The following GFI1B variants were observed in gnomAD, a reference collection of about 807,000 sequenced individuals.
GFI1B encodes the protein zinc finger protein Gfi-1b.
A neutral mutation model predicts 35.3 loss-of-function variants in GFI1B; 20 were observed. The ratio of observed to expected loss-of-function variants is 0.57; its 90% confidence interval spans 0.40 to 0.82. The LOEUF (loss-of-function observed/expected upper bound fraction) is 0.82, where lower values mean the gene tolerates loss of function less well. Ranked by LOEUF, GFI1B falls within the 40% of genes least tolerant of loss-of-function variation. GFI1B has a pLI of 0.00. For missense variants in GFI1B, 430 were observed against 446.3 expected, an observed-to-expected ratio of 0.96 and a Z score of 0.33; for synonymous variants, 178 against 177.6, an observed-to-expected ratio of 1.00 and a Z score of -0.02.
At chr9:132,962,565 C>CA (rs35864638) in intron 1 of GFI1B, 1 of 515,028 alleles carries the variant, frequency 1.9e-6, no homozygotes, top group Non-Finnish European at 4.0e-6. Context: ...GAAACAAAAG[C>CA]AAAAATCATC....
At chr9:132,983,243 A>G (rs901703534) in intron 1 of GFI1B, among the ~76,000 whole-genome samples, 23 of 135,732 alleles carry the variant, frequency 1.7e-4, no homozygotes. Context: ...ACCCAGGCTG[A>G]AGTGCAGTGG....
chr9:132,966,196 A>G lies in GFI1B; in HGVS notation c.-700-6529A>G, dbSNP rs570810659. 1.4e-3 allele frequency among the ~76,000 whole-genome samples: 216 copies of G among 152,192 alleles called. 1 individual carries two copies. The highest frequency in any genetic ancestry group is 2.4e-3 in the Non-Finnish European group (162 of 68,000). On this transcript the variant is annotated intron_variant, in intron 1 of 10. Transcript: ENST00000339463. ...AAACATAGTGAGACCCCATCTCTAC[A>G]AGAAATAAAAAAATTGGTCAGGTGT...
intron 1 of GFI1B, among the ~76,000 whole-genome samples, chr9:132,948,540 G>A (rs551880941): frequency 6.6e-6 from 1 of 152,336 alleles, no homozygotes; most frequent in South Asian, 2.1e-4. Flanking sequence ...TTCCCACTCT[G>A]TGCCCGAAGT....
chr9:132,978,369 CT>C (rs1340274326), upstream of GFI1B: 6 of 152,196 alleles, frequency 3.9e-5, no homozygotes, highest in Non-Finnish European at 8.8e-5. Flanking sequence ...AGAGCAATGA[CT>C]TCCCTATGCA....
At chr9:132,961,325 G>A (rs560020872) in intron 1 of GFI1B, among the ~76,000 whole-genome samples, 129 of 151,852 alleles carry the variant, frequency 8.5e-4, no homozygotes, top group African/African-American at 3.0e-3. Context: ...AATGATAGAC[G>A]GAGAGAAAAC....
In GFI1B at chr9:132,989,761, G is replaced by A. The variant is rs367947845; in HGVS notation, c.668G>A (p.Arg223His). 1.5e-5 allele frequency: 24 copies of A among 1,613,884 alleles called. No individual in the cohort carries two copies. In the East Asian group the frequency reaches 1.6e-4, roughly 10 times the overall value. The part of the protein sequence containing the change: ...VHSQERSFEC[R>H]MCGKAFKRSS... Reference sequence around the variant, plus strand: ...CGGCAGGAGCGCAGCTTCGAGTGCCGCATGTGCGGCAAGGCCTTCAAGCGC... The same window carrying A: ...CGGCAGGAGCGCAGCTTCGAGTGCCACATGTGCGGCAAGGCCTTCAAGCGC... The change falls in exon 6 of 7, where the codon CGC becomes CAC. Residue 223 changes from arginine to histidine, a missense_variant. Arg to His is a conservative substitution (Grantham distance 29). Coordinates refer to ENST00000372122, the MANE Select transcript of GFI1B (RefSeq NM_001377304.1). This position sits in a 1 kb window ranked among gnomAD's most constrained non-coding sequence, Gnocchi z 6.2.
At chr9:132,972,958 C>T (rs1848555753) in intron 2 of GFI1B, among the ~76,000 whole-genome samples, 2 of 152,214 alleles carry the variant, frequency 1.3e-5, no homozygotes, top group African/African-American at 4.8e-5. Context: ...ACCAGGTGGA[C>T]GTTTCCTACT....
intron 1 of GFI1B, among the ~76,000 whole-genome samples, chr9:132,979,945 A>G (rs1290367954): frequency 6.6e-6 from 1 of 152,118 alleles, no homozygotes; most frequent in African/African-American, 2.4e-5. Flanking sequence ...GCTGCACCTG[A>G]CCGCCTGGAC....
chr9:132,962,462 C>A, intron 1 of GFI1B: 1 of 434,054 alleles, frequency 2.3e-6, no homozygotes. Flanking sequence ...TCTTCTCTCT[C>A]TCTTCCCTTC....
chr9:132,986,255 G>A (rs1849056050), intron 1 of GFI1B, among the ~76,000 whole-genome samples: 1 of 148,792 alleles, frequency 6.7e-6, no homozygotes, highest in Admixed American at 6.6e-5. Context: ...GGCACTGCCT[G>A]GCATTCTCTG....
chr9:132,991,927 C>T (rs974200266), downstream of GFI1B, among the ~76,000 whole-genome samples: 1 of 152,070 alleles, frequency 6.6e-6, no homozygotes, highest in African/African-American at 2.4e-5. Flanking sequence ...GCAGCTGGGG[C>T]GGTATCCGTT....
chr9:132,973,118 G>A (rs572647908), intron 2 of GFI1B, among the ~76,000 whole-genome samples: 5 of 152,336 alleles, frequency 3.3e-5, no homozygotes, highest in Admixed American at 1.3e-4. Context: ...AGGGACCACC[G>A]GGTCCATTGT....
At chr9:132,981,669 T>C (rs971291601) in intron 1 of GFI1B, among the ~76,000 whole-genome samples, 2 of 152,058 alleles carry the variant, frequency 1.3e-5, no homozygotes, top group Admixed American at 1.3e-4. Flanking sequence ...GTGATGATGA[T>C]GATGATTACT....
intron 6 of GFI1B, 117 bp from the exon 7 acceptor site, chr9:132,990,755 T>G: frequency 1.2e-6 from 1 of 840,282 alleles, no homozygotes; most frequent in Non-Finnish European, 2.0e-6. Flanking sequence ...GAGTTGGCCA[T>G]GAGAGAAAAC....
rs145637406 is a variant in GFI1B, at chr9:132,966,652, G to A, written c.-700-6073G>A. Among the ~76,000 whole-genome samples, 75 of 152,350 alleles carry A rather than the reference G, an allele frequency of 4.9e-4. 1 individual carries two copies. In the East Asian group the frequency reaches 7.9e-3, roughly 16 times the overall value. On this transcript the variant is annotated intron_variant, in intron 1 of 10. Coordinates refer to the GFI1B transcript ENST00000339463. ...TGAAACCAGTAGGGGAGACTGTGGA[G>A]AACAGGATGTTTGCTTGGCGACAAA...
chr9:132,966,547 G>A (rs1022955082), intron 1 of GFI1B, among the ~76,000 whole-genome samples: 3 of 152,146 alleles, frequency 2.0e-5, no homozygotes, highest in African/African-American at 7.2e-5. Context: ...AAATGTAGAA[G>A]GAATGATAGA....
Position 132,988,332 on chromosome 9 carries a change from C to T in GFI1B, c.374C>T (p.Thr125Ile). 6.2e-7 allele frequency: 1 copy of T among 1,614,198 alleles called. No homozygotes were observed. ...YGHSYRQAPS[T>I]MQSAFLEHSV... ...CACAGCTACCGGCAGGCCCCCTCCA[C>T]CATGCAGTCAGCCTTCCTGGAGCAC... The change falls in exon 4 of 7, where the codon ACC (threonine) becomes ATC (isoleucine). Residue 125 changes from threonine (T) to isoleucine (I), a missense_variant. By Grantham distance (89) the Thr-to-Ile change is moderately conservative. Coordinates refer to ENST00000372122, the MANE Select transcript of GFI1B (RefSeq NM_001377304.1).
chr9:132,981,846 G>A (rs1041131769), intron 1 of GFI1B, among the ~76,000 whole-genome samples: 2 of 152,004 alleles, frequency 1.3e-5, no homozygotes, highest in Non-Finnish European at 1.5e-5. Context: ...TCCGCCTTCT[G>A]GGTTCAAGTG....
intron 1 of GFI1B, among the ~76,000 whole-genome samples, chr9:132,964,262 TA>T (rs1848415190): frequency 6.6e-6 from 1 of 152,042 alleles, no homozygotes; most frequent in Non-Finnish European, 1.5e-5. Flanking sequence ...ATTAATTAAA[TA>T]AAAACCTATA....
Sources: allele counts gnomAD v4.1 joint callset (sites outside exome capture counted in the v4.1 genomes callset), GRCh38; gene constraint gnomAD v4.1.1; non-coding constraint Gnocchi (gnomAD v3.1); transcripts MANE v1.5; gene names NCBI Gene and HGNC (gene_info 2026-07-23, HGNC 2026-07-21).